The following PLXNA4 variants were observed in gnomAD, a reference collection of about 807,000 sequenced individuals.
The protein encoded by PLXNA4 is plexin A4.
Under a neutral mutation model 191.8 loss-of-function variants are expected in PLXNA4, and 44 were observed. That is an observed-to-expected ratio of 0.23 (90% CI 0.18 to 0.29). PLXNA4 has a LOEUF of 0.29. PLXNA4 is among the 10% of genes least tolerant of loss of function. PLXNA4 has a pLI of 1.00. For synonymous variants in PLXNA4, 1,082 were observed against 1,009.5 expected, an observed-to-expected ratio of 1.07 and a Z score of -1.36; for missense variants, 1,800 against 2,488.8, an observed-to-expected ratio of 0.72 and a Z score of 5.89.
intron 1 of PLXNA4, among the ~76,000 whole-genome samples, chr7:132,541,892 T>G (rs1463590570): frequency 6.6e-6 from 1 of 152,192 alleles, no homozygotes; most frequent in African/African-American, 2.4e-5. Context: ...CGTGAGAGAC[T>G]CACTCAACAA....
intron 3 of PLXNA4, among the ~76,000 whole-genome samples, chr7:132,478,812 A>C (rs901581703): frequency 6.6e-6 from 1 of 151,922 alleles, no homozygotes; most frequent in Non-Finnish European, 1.5e-5. Context: ...ACCTGGGAAC[A>C]CTCAGATTTA....
chr7:132,647,687 A>T (rs1199921105), intron 1 of PLXNA4, among the ~76,000 whole-genome samples: 5 of 151,944 alleles, frequency 3.3e-5, no homozygotes, highest in Non-Finnish European at 7.4e-5. Context: ...ATATACTCAC[A>T]TACACACTCA....
At chr7:132,476,728 AT>A (rs1489742263) in intron 3 of PLXNA4, among the ~76,000 whole-genome samples, 13 of 152,234 alleles carry the variant, frequency 8.5e-5, no homozygotes, top group African/African-American at 3.1e-4. Flanking sequence ...CTTAGGGAAA[AT>A]TAATTTGGAA....
chr7:132,185,116 G>C (rs928602027), intron 16 of PLXNA4, among the ~76,000 whole-genome samples, 183 bp downstream of exon 16: 4 of 152,206 alleles, frequency 2.6e-5, no homozygotes, highest in African/African-American at 9.6e-5. Flanking sequence ...TTGGCACAGA[G>C]GTGCTCTCAG....
intron 1 of PLXNA4, among the ~76,000 whole-genome samples, chr7:132,570,359 CCT>C (rs1801923688): frequency 1.3e-5 from 2 of 152,184 alleles, no homozygotes; most frequent in South Asian, 4.1e-4. Flanking sequence ...GCTACTGTCT[CCT>C]CTCTCACTCT....
chr7:132,383,130 A>C (rs776716363), intron 3 of PLXNA4, among the ~76,000 whole-genome samples: 3 of 152,146 alleles, frequency 2.0e-5, no homozygotes, highest in Non-Finnish European at 4.4e-5. Flanking sequence ...TGATCCCTCC[A>C]TCCATGCTCC....
At chr7:132,425,130 CT>C (rs1330050938) in intron 3 of PLXNA4, among the ~76,000 whole-genome samples, 2 of 152,244 alleles carry the variant, frequency 1.3e-5, no homozygotes, top group African/African-American at 4.8e-5. Flanking sequence ...CGCCTAGCCT[CT>C]CTCCTTGGAG....
intron 2 of PLXNA4, among the ~76,000 whole-genome samples, chr7:132,640,424 C>G (rs1035114984): frequency 6.6e-6 from 1 of 152,040 alleles, no homozygotes; most frequent in African/African-American, 2.4e-5. Context: ...GGAGATAGGG[C>G]CTTTGGGGAG....
In PLXNA4 at chr7:132,185,613, C is replaced by G. The variant is rs1316733898; in HGVS notation, c.2994-150G>C. 3 of 1,235,984 alleles carry G rather than the reference C, an allele frequency of 2.4e-6. No individual in the cohort carries two copies. The African/African-American group carries it at 4.6e-5, about 19-fold the overall frequency. 76.6% of individuals were successfully genotyped at this position (1,235,984 alleles called of 1,614,324 possible). On this transcript the variant is annotated intron_variant, in intron 15 of 31. Transcript: ENST00000321063. ...AGACAGAAAACTGGAGAGCCAGTGA[C>G]AAAGACTCTCCTTGGCCAAACTTTA...
chr7:132,249,586 C>T (rs573710565), intron 4 of PLXNA4, among the ~76,000 whole-genome samples: 2 of 152,300 alleles, frequency 1.3e-5, no homozygotes, highest in Admixed American at 6.5e-5. Flanking sequence ...CCTTGCCAAG[C>T]GGGAGAGCGA....
intron 30 of PLXNA4, among the ~76,000 whole-genome samples, chr7:132,139,700 A>T (rs537230330): frequency 9.2e-5 from 14 of 152,350 alleles, no homozygotes; most frequent in Admixed American, 7.2e-4. Context: ...GTCTGAAAGT[A>T]ACGCAAATAA....
chr7:132,265,360 G>C (rs1241302350), intron 4 of PLXNA4, among the ~76,000 whole-genome samples: 1 of 152,190 alleles, frequency 6.6e-6, no homozygotes, highest in Non-Finnish European at 1.5e-5. Context: ...CCCAAGCTAA[G>C]TACTGTGCTA....
At chr7:132,429,895 A>G (rs777291722) in intron 3 of PLXNA4, among the ~76,000 whole-genome samples, 1 of 152,190 alleles carries the variant, frequency 6.6e-6, no homozygotes, top group Non-Finnish European at 1.5e-5. Context: ...TACGAGGTTT[A>G]CTCAAGACAC....
chr7:132,196,011 A>T (rs1797243760), intron 13 of PLXNA4, among the ~76,000 whole-genome samples: 1 of 152,240 alleles, frequency 6.6e-6, no homozygotes, highest in South Asian at 2.1e-4. Flanking sequence ...TAATTAATGC[A>T]TGTTTGGTGT....
chr7:132,345,832 AC>A (rs1171230895), intron 3 of PLXNA4, among the ~76,000 whole-genome samples: 1 of 152,104 alleles, frequency 6.6e-6, no homozygotes, highest in Non-Finnish European at 1.5e-5. Context: ...GGCTCAAAGG[AC>A]CGCAGCATGG....
chr7:132,646,384 T>C (rs1803870328), intron 1 of PLXNA4, among the ~76,000 whole-genome samples: 2 of 152,192 alleles, frequency 1.3e-5, no homozygotes, highest in Admixed American at 1.3e-4. Flanking sequence ...ACTGAATGTT[T>C]CTGGCTCCCT....
At chr7:132,345,964 A>G (rs1803230174) in intron 3 of PLXNA4, among the ~76,000 whole-genome samples, 2 of 152,088 alleles carry the variant, frequency 1.3e-5, no homozygotes, top group Admixed American at 6.5e-5. Context: ...TGCGTGAGCT[A>G]CAAGGCTCCT....
intron 3 of PLXNA4, among the ~76,000 whole-genome samples, chr7:132,441,994 C>A (rs1375920721): frequency 1.3e-5 from 2 of 152,176 alleles, no homozygotes; most frequent in Non-Finnish European, 2.9e-5. Context: ...GAGTGACACT[C>A]CTGACCTCAA....
chr7:132,609,335 G>A (rs557163195), intron 2 of PLXNA4, among the ~76,000 whole-genome samples: 1 of 152,216 alleles, frequency 6.6e-6, no homozygotes, highest in Non-Finnish European at 1.5e-5. Context: ...TGGCTGCTTG[G>A]AAGTATGTGA....
Sources: allele counts gnomAD v4.1 joint callset (sites outside exome capture counted in the v4.1 genomes callset), GRCh38; gene constraint gnomAD v4.1.1; transcripts MANE v1.5; gene names NCBI Gene and HGNC (gene_info 2026-07-23, HGNC 2026-07-21).